Variants in PIK3IP1 observed in about 807,000 individuals in gnomAD.
PIK3IP1 encodes the protein phosphoinositide-3-kinase interacting protein 1.
In PIK3IP1, 28 loss-of-function variants were observed where a neutral mutation model predicts 30.7. That is an observed-to-expected ratio of 0.91 (90% confidence interval 0.68 to 1.25). PIK3IP1 has a LOEUF of 1.25. Among genes scored for constraint, PIK3IP1 ranks in the 50% most tolerant of loss-of-function variants. The pLI, the probability that PIK3IP1 is intolerant of heterozygous loss-of-function variation, is 0.00. For synonymous variants in PIK3IP1, 159 were observed against 140.8 expected, an observed-to-expected ratio of 1.13 and a Z score of -0.91; for missense variants, 333 against 346.2, an observed-to-expected ratio of 0.96 and a Z score of 0.30.
intron 5 of PIK3IP1, among the ~76,000 whole-genome samples, chr22:31,285,728 C>G (rs1230927476): frequency 6.6e-6 from 1 of 152,220 alleles, no homozygotes; most frequent in Non-Finnish European, 1.5e-5. Context: ...CATGAGGCTA[C>G]TTGGCCTCAC....
chr22:31,289,759 G>T, intron 3 of PIK3IP1, 60 bp from the exon 4 acceptor site: 1 of 1,525,910 alleles, frequency 6.6e-7, no homozygotes, highest in Non-Finnish European at 8.9e-7. Context: ...TTCCACAGCT[G>T]AACCTGGCCT....
At chr22:31,288,951 T>G (rs1165663989) in intron 5 of PIK3IP1, 1 of 448,372 alleles carries the variant, frequency 2.2e-6, no homozygotes, top group Non-Finnish European at 3.9e-6. Context: ...ATTTCTGCAG[T>G]GCCACTCACT....
intron 5 of PIK3IP1, among the ~76,000 whole-genome samples, chr22:31,284,335 CT>C (rs2049115636): frequency 6.6e-6 from 1 of 152,176 alleles, no homozygotes; most frequent in South Asian, 2.1e-4. Flanking sequence ...ATATACAAGT[CT>C]TTAGGGGAAA....
intron 3 of PIK3IP1, chr22:31,289,977 C>A: frequency 2.7e-6 from 1 of 376,202 alleles, no homozygotes; most frequent in South Asian, 4.9e-5. Context: ...TTCCCAAGGC[C>A]CCTCTCGGTT....
intron 5 of PIK3IP1, among the ~76,000 whole-genome samples, chr22:31,283,611 G>A (rs1483382256): frequency 1.4e-5 from 2 of 146,592 alleles, no homozygotes; most frequent in Non-Finnish European, 3.0e-5. Flanking sequence ...TTTTTTTTAT[G>A]GTTGAGACAG....
At position 31,291,264 on chromosome 22, in the gene PIK3IP1, C is replaced by T. The variant is rs1173319240; in HGVS notation, c.103G>A (p.Glu35Lys). Residue 35 changes from glutamate (E) to lysine (K), a missense_variant, in exon 2 of 6, where the codon GAG becomes AAG. Physicochemically the swap from Glu to Lys is moderately conservative, Grantham distance 56 (BLOSUM62 1). Coordinates refer to ENST00000215912, the MANE Select transcript of PIK3IP1 (RefSeq NM_052880.5). ...CCCGGCGCGGGGGAGGTCTGGTCCT[C>T]CCGGTACAGGTGGCCGTTGTCCCAG... ...CFWDNGHLYR[E>K]DQTSPAPGLR... 6.4e-7 allele frequency: 1 copy of T among 1,555,272 alleles called. No individual in the cohort carries two copies. Among genetic ancestry groups the T allele is most frequent in the Non-Finnish European group, 8.7e-7 (1 of 1,150,096 alleles).
At chr22:31,285,412 TAGGA>T (rs573491616) in intron 5 of PIK3IP1, among the ~76,000 whole-genome samples, 5 of 152,308 alleles carry the variant, frequency 3.3e-5, no homozygotes, top group Non-Finnish European at 7.3e-5. Flanking sequence ...GTTTCATAGA[TAGGA>T]AGGCAGATGC....
rs769405557 is a variant in PIK3IP1, at chr22:31,292,372, T to G, written c.-28A>C. 1 of 1,612,050 alleles carries G rather than the reference T, an allele frequency of 6.2e-7. No individual in the cohort carries two copies. Among genetic ancestry groups the G allele is most frequent in the East Asian group, 2.2e-5 (1 of 44,872 alleles). ...TTGCCTCCTTCGTCTTGCAGGTGAT[T>G]GAACGACCAGTGTTTAACCGAGGCC... On this transcript the variant is annotated 5_prime_UTR_variant, in exon 1 of 6. Coordinates refer to ENST00000215912, the MANE Select transcript of PIK3IP1 (RefSeq NM_052880.5).
chr22:31,291,054 G>C lies in PIK3IP1; in HGVS notation c.218C>G (p.Pro73Arg). 6.4e-7 allele frequency: 1 copy of C among 1,565,058 alleles called. No homozygotes were observed. The highest frequency in any genetic ancestry group is 8.7e-7 in the Non-Finnish European group (1 of 1,153,912). Residue 73 changes from proline to arginine, a missense_variant, in exon 3 of 6, where the codon CCG becomes CGG. By Grantham distance (103) the Pro-to-Arg change is moderately radical. This residue lies in a region of PIK3IP1 where 111 missense variants were observed against 100.1 expected (regional missense o/e 1.11). Coordinates refer to ENST00000215912, the MANE Select transcript of PIK3IP1 (RefSeq NM_052880.5). The part of the protein sequence containing the change: ...GAGNHSYCRN[P>R]DEDPRGPWCY... Reference sequence around the variant, plus strand: ...CCAGGGCCCGCGCGGGTCCTCGTCCGGGTTTCGGCAGTAACTGTGATTGCC... The same window carrying C: ...CCAGGGCCCGCGCGGGTCCTCGTCCCGGTTTCGGCAGTAACTGTGATTGCC...
chr22:31,286,859 ACAAG>A (rs900524955), intron 5 of PIK3IP1, among the ~76,000 whole-genome samples: 3 of 152,206 alleles, frequency 2.0e-5, no homozygotes, highest in Non-Finnish European at 4.4e-5. Context: ...TCTGAAATGA[ACAAG>A]CAGGTGTCCC....
chr22:31,292,316 A>G lies in PIK3IP1; in HGVS notation c.29T>C (p.Leu10Pro). 6.2e-7 allele frequency: 1 copy of G among 1,614,208 alleles called. No individual in the cohort carries two copies. Among genetic ancestry groups the G allele is most frequent in the South Asian group, 1.1e-5 (1 of 91,082 alleles). The change falls in exon 1 of 6, where the codon CTC (leucine) becomes CCC (proline). Residue 10 changes from leucine (L) to proline (P), a missense_variant. This residue lies in a region of PIK3IP1 where 111 missense variants were observed against 100.1 expected (regional missense o/e 1.11). Coordinates refer to ENST00000215912, the MANE Select transcript of PIK3IP1 (RefSeq NM_052880.5). ...TTCTGCTAGGAGCATGTTGCTGACG[A>G]GGAATGCTTGTACCCAGGCCAACAG... MLLAWVQAF[L>P]VSNMLLAEAY... is the part of the protein sequence containing the mutation.
chr22:31,285,944 G>A (rs746329595), intron 5 of PIK3IP1, among the ~76,000 whole-genome samples: 9 of 152,150 alleles, frequency 5.9e-5, no homozygotes, highest in East Asian at 1.9e-4. Context: ...AGGCCGAGGC[G>A]GGTGGATTGC....
rs755203476 is a variant in PIK3IP1, at chr22:31,289,415, G to A, written c.509-22C>T. 5 of 1,591,134 alleles carry A rather than the reference G, an allele frequency of 3.1e-6. No individual in the cohort carries two copies. The South Asian group carries it at 5.7e-5, about 18-fold the overall frequency. On this transcript the variant is annotated intron_variant, in intron 4 of 5. Transcript: ENST00000215912. Reference sequence around the variant, plus strand: ...TAGCCTGCCAAGGATAGGACACAAGGTCCCATTAGCCACACCCTAGACAAT... The same window carrying A: ...TAGCCTGCCAAGGATAGGACACAAGATCCCATTAGCCACACCCTAGACAAT...
chr22:31,289,154 A>G, intron 5 of PIK3IP1, 161 bp downstream of exon 5: 1 of 685,970 alleles, frequency 1.5e-6, no homozygotes, highest in Admixed American at 2.7e-5. Context: ...ACCAAAGGAA[A>G]GGGTTTGTCC....
In PIK3IP1 at chr22:31,283,138, G is replaced by A. The variant is rs375928239; in HGVS notation, c.738C>T (p.Asp246=). The A allele has an allele frequency of 1.2e-6, 2 of 1,613,736 alleles. No homozygotes were observed. The highest frequency in any genetic ancestry group is 1.7e-6 in the Non-Finnish European group (2 of 1,179,834). ...TAAGGGGGGTGGTGCCCTCCTGAGG[G>A]TCAACTGGAGTCTGGCTGGTGTGGA... ...VVVHTSQTPV[D]PQEGTTPLMG... Residue 246 remains aspartate (D), a synonymous_variant, in exon 6 of 6, where the codon GAC becomes GAT. Transcript: ENST00000215912.
intron 1 of PIK3IP1, among the ~76,000 whole-genome samples, chr22:31,291,842 T>C (rs2049182923): frequency 2.6e-5 from 4 of 152,326 alleles, no homozygotes; most frequent in South Asian, 2.1e-4. Context: ...CCAGGAGCCT[T>C]GACTCCGTCA....
intron 3 of PIK3IP1, chr22:31,290,630 G>A (rs1391739021): frequency 4.0e-6 from 1 of 248,682 alleles, no homozygotes; most frequent in Admixed American, 5.7e-5. Context: ...TGTGAGCAGT[G>A]TGGGTCTAGC....
chr22:31,289,680 C>T lies in PIK3IP1; in HGVS notation c.327G>A (p.Leu109=). ...CCTGGATTTCTGTCGTGAAGGCTGGCAGGGCCTGGGAGGTGGTCTCTGGAG... is the reference window on the plus strand; with the variant it reads ...CCTGGATTTCTGTCGTGAAGGCTGGTAGGGCCTGGGAGGTGGTCTCTGGAG... ...LRCPETTSQA[L]PAFTTEIQEA... The change falls in exon 4 of 6, where the codon CTG becomes CTA. Residue 109 remains leucine, a synonymous_variant. Coordinates refer to ENST00000215912, the MANE Select transcript of PIK3IP1 (RefSeq NM_052880.5). 1 of 1,552,710 alleles carries T rather than the reference C, an allele frequency of 6.4e-7. No homozygotes were observed.
chr22:31,287,079 G>A (rs748598059), intron 5 of PIK3IP1, among the ~76,000 whole-genome samples: 2 of 139,918 alleles, frequency 1.4e-5, no homozygotes, highest in Non-Finnish European at 3.0e-5. Flanking sequence ...GGAGTGCAGT[G>A]GCACAATCAT....
Sources: gnomAD v4.1 joint callset for allele counts (sites outside exome capture counted in the v4.1 genomes callset) on GRCh38, gnomAD v4.1.1 for gene constraint, gnomAD v4.1.1 regional missense constraint, MANE v1.5 for transcripts, NCBI Gene and HGNC (gene_info 2026-07-23, HGNC 2026-07-21) for gene names.